ACOT11: variants seen among roughly 807,000 people sequenced by gnomAD.
The protein encoded by ACOT11 is acyl-coenzyme A thioesterase 11.
Under a neutral mutation model 77.5 loss-of-function variants are expected in ACOT11, and 69 were observed. The observed-to-expected ratio is 0.89, with a 90% confidence interval of 0.73 to 1.09. The LOEUF is 1.09. ACOT11 is among the 50% of genes least tolerant of loss of function. ACOT11 has a pLI of 0.00. For missense variants in ACOT11, 766 were observed against 813.7 expected, an observed-to-expected ratio of 0.94 and a Z score of 0.71; for synonymous variants, 279 against 313.0, an observed-to-expected ratio of 0.89 and a Z score of 1.15.
At chr1:54,566,299 A>T (rs898786789) in intron 1 of ACOT11, among the ~76,000 whole-genome samples, 1 of 152,074 alleles carries the variant, frequency 6.6e-6, no homozygotes, top group Non-Finnish European at 1.5e-5. Context: ...TCTACTAAAA[A>T]TACAAAAATT....
intron 1 of ACOT11, among the ~76,000 whole-genome samples, chr1:54,568,872 G>A (rs367577462): frequency 6.6e-6 from 1 of 151,962 alleles, no homozygotes; most frequent in East Asian, 1.9e-4. Context: ...TCAGCCTTCC[G>A]AGTGGCTGGG....
In ACOT11 at chr1:54,603,945, T is replaced by C; in HGVS notation, c.1152+8T>C. ...TGGGACCCTAGCAACCAGGTAAGGC[T>C]CTCTGCTCCGAGAGGACAGTCTTCA... On this transcript the variant is annotated splice_region_variant and intron_variant, in intron 11 of 15. Coordinates refer to ENST00000343744, the MANE Select transcript of ACOT11 (RefSeq NM_147161.4). 1 of 1,613,624 alleles carries C rather than the reference T, an allele frequency of 6.2e-7. No homozygotes were observed. Among genetic ancestry groups the C allele is most frequent in the Non-Finnish European group, 8.5e-7 (1 of 1,179,612 alleles).
intron 3 of ACOT11, among the ~76,000 whole-genome samples, chr1:54,588,170 C>T (rs573479622): frequency 3.3e-5 from 5 of 152,122 alleles, no homozygotes; most frequent in African/African-American, 1.2e-4. Context: ...CACCACTGCA[C>T]TCCAACCTGG....
rs55726397 is a variant in ACOT11, at chr1:54,625,939, CA to C, written c.1630-4781del. Among the ~76,000 whole-genome samples the C allele has an allele frequency of 1.7e-3, 178 of 107,202 alleles. 1 individual carries two copies. The highest frequency in any genetic ancestry group is 1.8e-3 in the Admixed American group (17 of 9,620). The allele number at this position is 107,202 out of a possible 152,430, so 70.3% of individuals were successfully genotyped here. A position where few individuals can be genotyped will look rare whatever the true frequency, so the allele number is the denominator to read the frequency against. On this transcript the variant is annotated intron_variant, in intron 15 of 16. Coordinates refer to the ACOT11 transcript ENST00000371316. ...GGGCAACAAGAGTGAAACTCTGTCT[CA>C]AAAAAAAAAAAAAGAAAGAAAGAAA...
chr1:54,579,848 C>T (rs915858862), intron 1 of ACOT11, among the ~76,000 whole-genome samples: 3 of 152,204 alleles, frequency 2.0e-5, no homozygotes, highest in Non-Finnish European at 4.4e-5. Flanking sequence ...CAAACAAGCT[C>T]GTAATCTTGC....
chr1:54,624,863 G>T (rs1373143352), intron 15 of ACOT11, among the ~76,000 whole-genome samples: 1 of 152,098 alleles, frequency 6.6e-6, no homozygotes, highest in Non-Finnish European at 1.5e-5. Flanking sequence ...ATGGGAGCAG[G>T]AGGACCTGGT....
Position 54,599,342 on chromosome 1 carries a change from C to CAA in ACOT11, c.812_813insAA (p.His271GlnfsTer19). 1 of 1,608,962 alleles carries CAA rather than the reference C, an allele frequency of 6.2e-7. No homozygotes were observed. The highest frequency in any genetic ancestry group is 8.5e-7 in the Non-Finnish European group (1 of 1,178,294). ...TACGCTGAAGGCCATTGAAATGTTC[C>CAA]ACTTCCGAGGCCCGTCCCAGGTCGG... On this transcript the variant is annotated frameshift_variant, in exon 8 of 16. Coordinates refer to ENST00000343744, the MANE Select transcript of ACOT11 (RefSeq NM_147161.4). LOFTEE classifies it high-confidence loss of function.
At chr1:54,608,929 C>A in intron 15 of ACOT11, 28 bp from the exon 16 acceptor site, 1 of 1,611,538 alleles carries the variant, frequency 6.2e-7, no homozygotes, top group Non-Finnish European at 8.5e-7. Flanking sequence ...TAGCTTGGTC[C>A]CCCTGAGCTT....
chr1:54,631,027 C>A, intron 16 of ACOT11: 11 of 426,428 alleles, frequency 2.6e-5, no homozygotes, highest in Non-Finnish European at 4.7e-5. Flanking sequence ...GGTTACAGAG[C>A]ATGTTTATTT....
chr1:54,563,218 C>G (rs1557648070), intron 1 of ACOT11, among the ~76,000 whole-genome samples: 1 of 152,240 alleles, frequency 6.6e-6, no homozygotes, highest in Non-Finnish European at 1.5e-5. Context: ...AACTCCTGGC[C>G]TCAAGTGATC....
chr1:54,574,246 A>G (rs1035312338), intron 1 of ACOT11, among the ~76,000 whole-genome samples: 2 of 152,086 alleles, frequency 1.3e-5, no homozygotes, highest in African/African-American at 4.8e-5. Context: ...GAGGAGCTGA[A>G]CCCCGGCCCA....
chr1:54,597,239 C>G lies in ACOT11; in HGVS notation c.608-20C>G. On this transcript the variant is annotated intron_variant, in intron 6 of 15. Transcript: ENST00000343744. The stretch of plus-strand genomic sequence containing the variant: ...TGTTCTCACCTCCCTGCTTCCCTCC[C>G]TTATCCCATCCCTGGTCAGATCTGG... The G allele has an allele frequency of 6.2e-7, 1 of 1,608,764 alleles. No individual in the cohort carries two copies. Among genetic ancestry groups the G allele is most frequent in the Admixed American group, 1.7e-5 (1 of 60,034 alleles).
chr1:54,612,308 A>G (rs545842571), downstream of ACOT11, among the ~76,000 whole-genome samples: 1 of 151,792 alleles, frequency 6.6e-6, no homozygotes, highest in Non-Finnish European at 1.5e-5. Flanking sequence ...CTTGGGAGGT[A>G]GTGAGTAGCC....
At position 54,585,898 on chromosome 1, in the gene ACOT11, C is replaced by A; in HGVS notation, c.305C>A (p.Thr102Asn). 1 of 1,614,062 alleles carries A rather than the reference C, an allele frequency of 6.2e-7. No individual in the cohort carries two copies. The highest frequency in any genetic ancestry group is 8.5e-7 in the Non-Finnish European group (1 of 1,179,960). ...ASMDDIYFEH[T>N]ISVGQVVNIK... ...ATGGATGACATCTATTTTGAGCACA[C>A]CATTAGGTAAGTGGCCCCTCCTGCC... Residue 102 changes from threonine to asparagine, a missense_variant, in exon 3 of 16, where the codon ACC (threonine) becomes AAC (asparagine). Thr to Asn is a moderately conservative substitution (Grantham distance 65). Transcript: ENST00000343744.
chr1:54,610,881 C>G (rs536948940), downstream of ACOT11: 68 of 985,352 alleles, frequency 6.9e-5, no homozygotes, highest in African/African-American at 1.2e-3. Flanking sequence ...GGCTTAACTG[C>G]GGCTCTTCTG....
chr1:54,575,054 A>C (rs1189516554), intron 1 of ACOT11, among the ~76,000 whole-genome samples: 2 of 152,184 alleles, frequency 1.3e-5, no homozygotes, highest in Non-Finnish European at 1.5e-5. Flanking sequence ...CCTTTGACTG[A>C]AGACCTTAGA....
downstream of ACOT11, chr1:54,614,596 G>T: frequency 8.4e-7 from 1 of 1,189,628 alleles, no homozygotes; most frequent in Non-Finnish European, 1.2e-6. Context: ...GCTATATATA[G>T]TATGATTGGA....
chr1:54,608,788 GCTGGGCAA>G (rs540649031), intron 15 of ACOT11, among the ~76,000 whole-genome samples, 161 bp from the exon 16 acceptor site: 34 of 152,226 alleles, frequency 2.2e-4, no homozygotes, highest in African/African-American at 7.5e-4. Context: ...AGGAGGTCAT[GCTGGGCAA>G]CTGTGTAATC....
At chr1:54,594,292 C>T (rs1654818296) in intron 5 of ACOT11, among the ~76,000 whole-genome samples, 1 of 152,310 alleles carries the variant, frequency 6.6e-6, no homozygotes, top group Admixed American at 6.5e-5. Flanking sequence ...TCTGGTCTCA[C>T]CATTCTGTCA....
Sources: allele counts gnomAD v4.1 joint callset (sites outside exome capture counted in the v4.1 genomes callset), GRCh38; gene constraint gnomAD v4.1.1; transcripts MANE v1.5; gene names NCBI Gene and HGNC (gene_info 2026-07-23, HGNC 2026-07-21).